Variants in WASL observed in about 807,000 individuals in gnomAD.
WASL encodes WASP like actin nucleation promoting factor, also known as actin nucleation-promoting factor WASL.
Under a neutral mutation model 55.5 loss-of-function variants are expected in WASL, and 20 were observed. The observed-to-expected ratio is 0.36, with a 90% CI of 0.25 to 0.52. The LOEUF is 0.52. Among genes scored for constraint, WASL ranks in the 20% least tolerant of loss-of-function variants. The pLI is 0.92. For missense variants in WASL, 504 were observed against 622.5 expected, an observed-to-expected ratio of 0.81 and a Z score of 2.03; for synonymous variants, 249 against 217.6, an observed-to-expected ratio of 1.14 and a Z score of -1.27.
In WASL at chr7:123,683,007, T is replaced by C. The variant is rs1012029031; in HGVS notation, c.*1512A>G. ...TAACTAGATGCATGATCACTAGAGA[T>C]TATGTAATAAATGGTTAAAATTCAA... On this transcript the variant is annotated 3_prime_UTR_variant, in exon 11 of 11. Coordinates refer to ENST00000223023, the MANE Select transcript of WASL (RefSeq NM_003941.4). The C allele has an allele frequency of 6.6e-6, 1 of 152,122 alleles. No individual in the cohort carries two copies. Among genetic ancestry groups the C allele is most frequent in the African/African-American group, 2.4e-5 (1 of 41,434 alleles). The allele number at this position is 152,122 out of a possible 1,614,324, so 9.4% of individuals were successfully genotyped here.
At chr7:123,715,562 A>T (rs1427604347) in intron 1 of WASL, among the ~76,000 whole-genome samples, 1 of 152,194 alleles carries the variant, frequency 6.6e-6, no homozygotes, top group African/African-American at 2.4e-5. Context: ...CCTCTATTCC[A>T]TTTCTAGCAG....
At chr7:123,728,913 T>G (rs886937691) in intron 1 of WASL, among the ~76,000 whole-genome samples, 1 of 152,174 alleles carries the variant, frequency 6.6e-6, no homozygotes, top group African/African-American at 2.4e-5. Flanking sequence ...CATTAATGTC[T>G]GTGCCTGTGG....
chr7:123,700,713 C>T lies in WASL; in HGVS notation c.460+3921G>A, dbSNP rs571518704. ...TCGGCCTCCCAAAGTGTTGGGATTA[C>T]AGGCGTGAGCCACCGTGCCCGGCCA... On this transcript the variant is annotated intron_variant, in intron 5 of 10. Transcript: ENST00000223023. Among the ~76,000 whole-genome samples the T allele has an allele frequency of 6.9e-4, 105 of 152,314 alleles. 2 individuals carry two copies. In the South Asian group the frequency reaches 0.012, roughly 18 times the overall value.
chr7:123,727,258 GAACT>G (rs1352830907), intron 1 of WASL, among the ~76,000 whole-genome samples: 1 of 151,946 alleles, frequency 6.6e-6, no homozygotes, highest in Non-Finnish European at 1.5e-5. Flanking sequence ...ACCACTTGGA[GAACT>G]ATCTGAAAGT....
intron 1 of WASL, among the ~76,000 whole-genome samples, chr7:123,737,730 A>G (rs1173775921): frequency 6.6e-6 from 1 of 152,166 alleles, no homozygotes; most frequent in Non-Finnish European, 1.5e-5. Flanking sequence ...TCACTTCCAG[A>G]AAGATTAAAG....
In WASL at chr7:123,683,504, G is replaced by A. The variant is rs1803236092; in HGVS notation, c.*1015C>T. On this transcript the variant is annotated 3_prime_UTR_variant, in exon 11 of 11. Coordinates refer to ENST00000223023, the MANE Select transcript of WASL (RefSeq NM_003941.4). The stretch of plus-strand genomic sequence containing the variant: ...ACCCTCAAAAGTTATCCAAATCAAT[G>A]CATGTTCGGTTCCGTGTTTTAGCGC... The A allele has an allele frequency of 6.6e-6, 1 of 151,786 alleles. No individual in the cohort carries two copies. 9.4% of individuals were successfully genotyped at this position (151,786 alleles called of 1,614,324 possible).
intron 8 of WASL, among the ~76,000 whole-genome samples, chr7:123,693,679 A>C (rs931287258): frequency 3.3e-5 from 5 of 152,228 alleles, no homozygotes; most frequent in African/African-American, 4.8e-5. Flanking sequence ...CAGAAAAATA[A>C]ACTTGGCTGA....
chr7:123,689,955 C>G (rs1369552785), intron 9 of WASL, among the ~76,000 whole-genome samples: 1 of 152,116 alleles, frequency 6.6e-6, no homozygotes, highest in Non-Finnish European at 1.5e-5. Context: ...CTCTAATACT[C>G]CTTGTTCTTT....
intron 10 of WASL, among the ~76,000 whole-genome samples, chr7:123,688,693 GAATGAGAT>G (rs1247573897): frequency 1.3e-5 from 2 of 152,086 alleles, no homozygotes; most frequent in Non-Finnish European, 2.9e-5. Context: ...AATGTCACAG[GAATGAGAT>G]CTAAAAATCT....
intron 5 of WASL, among the ~76,000 whole-genome samples, chr7:123,703,434 T>C (rs918999987): frequency 1.3e-5 from 2 of 152,168 alleles, no homozygotes; most frequent in Non-Finnish European, 2.9e-5. Context: ...TGTCATCATC[T>C]TCATCAGAAT....
rs905445711 is a variant in WASL, at chr7:123,719,758, T to C, written c.118-10535A>G. On this transcript the variant is annotated intron_variant, in intron 1 of 10. Transcript: ENST00000223023. The stretch of plus-strand genomic sequence containing the variant: ...CTTGCTGACCTGTCTGTTGCACCCT[T>C]GCAACATATTTTCATACTGTCTCTA... 3.3e-5 allele frequency among the ~76,000 whole-genome samples: 5 copies of C among 152,168 alleles called. 1 individual carries two copies. The highest frequency in any genetic ancestry group is 2.6e-4 in the Admixed American group (4 of 15,278).
At chr7:123,706,216 C>G in intron 4 of WASL, 61 bp downstream of exon 4, 1 of 1,439,718 alleles carries the variant, frequency 6.9e-7, no homozygotes, top group Non-Finnish European at 9.6e-7. Flanking sequence ...AGGAAATGGA[C>G]CACACTTGCC....
chr7:123,724,989 TCCCACTAATTCTCAAAGCTTC>T (rs1804017365), intron 1 of WASL, among the ~76,000 whole-genome samples: 1 of 152,050 alleles, frequency 6.6e-6, no homozygotes, highest in African/African-American at 2.4e-5. Flanking sequence ...AATGTACTTT[TCCCACTAATTCTCAAAGCTTC>T]CCCAATAGAA....
chr7:123,689,631 T>C (rs1269159710), intron 9 of WASL, among the ~76,000 whole-genome samples: 1 of 152,186 alleles, frequency 6.6e-6, no homozygotes, highest in Non-Finnish European at 1.5e-5. Context: ...ACCTTTATGT[T>C]ACATTTATAC....
In WASL at chr7:123,728,511, T is replaced by C. The variant is rs1001974054; in HGVS notation, c.118-19288A>G. On this transcript the variant is annotated intron_variant, in intron 1 of 10. Transcript: ENST00000223023. ...ATTCCATAAATGTGTCCACTGATAA[T>C]GGTATATATCTACTGACAAGAAACA... 3.5e-4 allele frequency among the ~76,000 whole-genome samples: 53 copies of C among 152,230 alleles called. 1 individual carries two copies. The Middle Eastern group carries it at 0.01, about 29-fold the overall frequency.
At chr7:123,747,794 G>A (rs888778274) in intron 1 of WASL, among the ~76,000 whole-genome samples, 8 of 152,100 alleles carry the variant, frequency 5.3e-5, no homozygotes, top group Non-Finnish European at 1.0e-4. Context: ...GAATGCTTCC[G>A]TCAACAACAC....
At position 123,692,592 on chromosome 7, in the gene WASL, C is replaced by G. The variant is rs145197467; in HGVS notation, c.1102G>C (p.Val368Leu). The G allele has an allele frequency of 6.2e-7, 1 of 1,608,302 alleles. No homozygotes were observed. The highest frequency in any genetic ancestry group is 8.5e-7 in the Non-Finnish European group (1 of 1,177,370). ...GGTGGGGGTGGTGCCACTGGCCCTA[C>G]CCCCAACACAGATGGAGGTGGTGGT... ...PPPPPPSVLGVGPVAPPPPPP... is the reference protein window; with the variant it reads ...PPPPPPSVLGLGPVAPPPPPP... The change falls in exon 9 of 11, where the codon GTA becomes CTA. Residue 368 changes from valine to leucine, a missense_variant. Val to Leu is a conservative substitution (Grantham distance 32). Around this residue, in one of 5 missense-constraint regions of WASL, gnomAD observed 201 missense variants for 206.2 expected, o/e 0.97. Coordinates refer to ENST00000223023, the MANE Select transcript of WASL (RefSeq NM_003941.4).
At chr7:123,744,208 A>G (rs542861514) in intron 1 of WASL, among the ~76,000 whole-genome samples, 1 of 152,298 alleles carries the variant, frequency 6.6e-6, no homozygotes, top group South Asian at 2.1e-4. Flanking sequence ...GTTACCACCT[A>G]TATTAGTTCA....
At chr7:123,714,618 C>A (rs550803823) in intron 1 of WASL, among the ~76,000 whole-genome samples, 8 of 152,048 alleles carry the variant, frequency 5.3e-5, no homozygotes, top group Admixed American at 3.9e-4. Context: ...TATTTGTTCA[C>A]CAAATGTTTA....
Sources: gnomAD v4.1 joint callset for allele counts (sites outside exome capture counted in the v4.1 genomes callset) on GRCh38, gnomAD v4.1.1 for gene constraint, gnomAD v4.1.1 regional missense constraint, MANE v1.5 for transcripts, NCBI Gene and HGNC (gene_info 2026-07-23, HGNC 2026-07-21) for gene names.